Variants in SPPL3 observed in about 807,000 individuals in gnomAD.
The protein encoded by SPPL3 is signal peptide peptidase-like 3.
In SPPL3, 5 loss-of-function variants were observed where a neutral mutation model predicts 42.4. The observed-to-expected ratio is 0.12, with a 90% CI of 0.06 to 0.25. The LOEUF (loss-of-function observed/expected upper bound fraction) is 0.25. Among genes scored for constraint, SPPL3 ranks in the 10% least tolerant of loss-of-function variants. The pLI, the probability that SPPL3 is intolerant of heterozygous loss-of-function variation, is 1.00. For synonymous variants in SPPL3, 195 were observed against 181.8 expected (o/e 1.07, Z -0.58); for missense variants, 235 against 489.0 (o/e 0.48, Z 4.90).
rs1433831848 is a variant in SPPL3, at chr12:120,870,154, G to GA, written c.23+33690dup. Among the ~76,000 whole-genome samples the GA allele has an allele frequency of 5.3e-5, 8 of 151,962 alleles. No homozygotes were observed. In the East Asian group the frequency reaches 1.4e-3, roughly 26 times the overall value. On this transcript the variant is annotated intron_variant, in intron 1 of 10. Coordinates refer to ENST00000353487, the MANE Select transcript of SPPL3 (RefSeq NM_139015.5). ...TTCAGAATAAAAGCAAAGTAATAAA[G>GA]AAAAAAAAGGGCCAAGTGCAGTGGC...
At chr12:120,852,782 A>ACG (rs1872289195) in intron 1 of SPPL3, among the ~76,000 whole-genome samples, 3 of 138,054 alleles carry the variant, frequency 2.2e-5, no homozygotes, top group African/African-American at 8.0e-5. Flanking sequence ...TATATAAAAT[A>ACG]TATTTCATAT....
chr12:120,766,189 G>T, intron 10 of SPPL3, 74 bp downstream of exon 10: 2 of 1,240,688 alleles, frequency 1.6e-6, no homozygotes, highest in Non-Finnish European at 2.2e-6. Flanking sequence ...ATCACCTCCA[G>T]CGAGGAGAGT....
chr12:120,777,529 C>CT (rs1376031056), intron 6 of SPPL3, among the ~76,000 whole-genome samples: 1 of 152,114 alleles, frequency 6.6e-6, no homozygotes, highest in Non-Finnish European at 1.5e-5. Context: ...ATAGCTGTCA[C>CT]TTTATCACTC....
chr12:120,793,434 G>T lies in SPPL3; in HGVS notation c.102-1877C>A, dbSNP rs188780649. Among the ~76,000 whole-genome samples the T allele has an allele frequency of 2.2e-4, 34 of 152,328 alleles. No homozygotes were observed. In the East Asian group the frequency reaches 6.2e-3, roughly 28 times the overall value. Reference sequence around the variant, plus strand: ...CACTTGAGCCCAGGAGGTCAAGGCTGATGGCACCACTGCACTCCAGCCTGA... The same window carrying T: ...CACTTGAGCCCAGGAGGTCAAGGCTTATGGCACCACTGCACTCCAGCCTGA... On this transcript the variant is annotated intron_variant, in intron 2 of 10. Coordinates refer to ENST00000353487, the MANE Select transcript of SPPL3 (RefSeq NM_139015.5).
chr12:120,903,878 C>G lies in SPPL3; in HGVS notation c.-11G>C. ...GGTCTGCTCCGCCATGGCGCTGCCT[C>G]TCGTGGGCTCCGCTGCAGGCTGTGG... is the stretch of plus-strand genomic sequence containing the variant. On this transcript the variant is annotated 5_prime_UTR_variant, in exon 1 of 11. Coordinates refer to ENST00000353487, the MANE Select transcript of SPPL3 (RefSeq NM_139015.5). 2 of 1,440,794 alleles carry G rather than the reference C, an allele frequency of 1.4e-6. No individual in the cohort carries two copies. The highest frequency in any genetic ancestry group is 1.8e-6 in the Non-Finnish European group (2 of 1,098,952). 89.3% of individuals were successfully genotyped at this position (1,440,794 alleles called of 1,614,324 possible).
intron 1 of SPPL3, among the ~76,000 whole-genome samples, chr12:120,812,073 G>C (rs1378818240): frequency 1.3e-5 from 2 of 148,644 alleles, no homozygotes; most frequent in African/African-American, 5.0e-5. Flanking sequence ...TGATCCCTAG[G>C]TTTCTGCTTA....
intron 1 of SPPL3, among the ~76,000 whole-genome samples, chr12:120,898,314 T>A (rs1151856): frequency 0.25 from 16,819 of 66,234 alleles, 2,704 homozygotes; most frequent in African/African-American, 0.34. Flanking sequence ...TTTTTTTTTT[T>A]AAAAAAAAAA....
intron 1 of SPPL3, among the ~76,000 whole-genome samples, chr12:120,881,723 A>G (rs1300635921): frequency 6.6e-6 from 1 of 151,724 alleles, no homozygotes; most frequent in Admixed American, 6.6e-5. Context: ...TCCAGCCTTT[A>G]AAAGGAAGAA....
chr12:120,841,300 G>C (rs1354031233), intron 1 of SPPL3, among the ~76,000 whole-genome samples: 2 of 151,952 alleles, frequency 1.3e-5, no homozygotes, highest in African/African-American at 4.8e-5. Flanking sequence ...ACTCCAGCCT[G>C]GGCAACAAGA....
intron 1 of SPPL3, chr12:120,901,870 C>A (rs890047623): frequency 2.1e-5 from 21 of 984,986 alleles, no homozygotes; most frequent in Non-Finnish European, 2.5e-5. Flanking sequence ...CGTGTGTGTC[C>A]AACCTACCTA....
chr12:120,769,314 G>A (rs1334603029), intron 6 of SPPL3: 1 of 349,282 alleles, frequency 2.9e-6, no homozygotes, highest in African/African-American at 2.1e-5. Flanking sequence ...CAGGAAACCA[G>A]TCCAAGACCT....
At chr12:120,881,812 GAAAC>G (rs1316277022) in intron 1 of SPPL3, among the ~76,000 whole-genome samples, 1 of 141,340 alleles carries the variant, frequency 7.1e-6, no homozygotes, top group Non-Finnish European at 1.6e-5. Flanking sequence ...AAAAAAAAAA[GAAAC>G]AAAATATTGT....
intron 1 of SPPL3, among the ~76,000 whole-genome samples, chr12:120,868,397 C>T (rs555780751): frequency 6.6e-6 from 1 of 152,330 alleles, no homozygotes; most frequent in Admixed American, 6.5e-5. Context: ...GTGTAGTCCA[C>T]GGACCACCAG....
chr12:120,847,906 A>G (rs1037255046), intron 1 of SPPL3, among the ~76,000 whole-genome samples: 4 of 152,214 alleles, frequency 2.6e-5, no homozygotes, highest in African/African-American at 9.7e-5. Context: ...AACCGTGCTC[A>G]TTTTAACTAC....
chr12:120,777,889 C>T (rs941162146), intron 6 of SPPL3, among the ~76,000 whole-genome samples: 1 of 152,046 alleles, frequency 6.6e-6, no homozygotes, highest in African/African-American at 2.4e-5. Flanking sequence ...ACTACACAGA[C>T]GGGCACGGGT....
At chr12:120,809,330 G>C (rs1289788617) in intron 2 of SPPL3, among the ~76,000 whole-genome samples, 4 of 151,552 alleles carry the variant, frequency 2.6e-5, no homozygotes. Context: ...GGGCAACAGA[G>C]TGAGACTCCG....
chr12:120,890,496 G>A (rs1310357215), intron 1 of SPPL3, among the ~76,000 whole-genome samples: 2 of 151,218 alleles, frequency 1.3e-5, no homozygotes, highest in Non-Finnish European at 2.9e-5. Flanking sequence ...GGCTGAGGCA[G>A]GAGAATCGCT....
At chr12:120,811,177 TA>T (rs1233648749) in intron 1 of SPPL3, 1 of 223,536 alleles carries the variant, frequency 4.5e-6, no homozygotes, top group African/African-American at 2.3e-5. Context: ...ACCCCCAATT[TA>T]AAAAGTATCA....
At chr12:120,878,487 C>T (rs1428627134) in intron 1 of SPPL3, among the ~76,000 whole-genome samples, 3 of 152,206 alleles carry the variant, frequency 2.0e-5, no homozygotes, top group Non-Finnish European at 2.9e-5. Context: ...ATGACTTTCT[C>T]TTACAAGCTA....
Sources: gnomAD v4.1 joint callset for allele counts (sites outside exome capture counted in the v4.1 genomes callset) on GRCh38, gnomAD v4.1.1 for gene constraint, MANE v1.5 for transcripts, NCBI Gene and HGNC (gene_info 2026-07-23, HGNC 2026-07-21) for gene names.